Variants in AKAP6 observed in about 807,000 individuals in gnomAD.
The protein encoded by AKAP6 is A-kinase anchor protein 6.
Under a neutral mutation model 188.5 loss-of-function variants are expected in AKAP6, and 58 were observed. The ratio of observed to expected loss-of-function variants is 0.31; its 90% CI spans 0.25 to 0.38. The LOEUF is 0.38. Among genes scored for constraint, AKAP6 ranks in the 10% least tolerant of loss-of-function variants. AKAP6 has a pLI of 1.00. For synonymous variants in AKAP6, 989 were observed against 998.6 expected (o/e 0.99, Z 0.18); for missense variants, 2,710 against 2,740.0 (o/e 0.99, Z 0.24).
chr14:32,791,050 G>T (rs1263054725), intron 12 of AKAP6, among the ~76,000 whole-genome samples: 1 of 152,092 alleles, frequency 6.6e-6, no homozygotes, highest in African/African-American at 2.4e-5. Context: ...CCAAGTCTTT[G>T]CTATTGCGAA....
chr14:32,795,896 G>A (rs1014479678), intron 12 of AKAP6, among the ~76,000 whole-genome samples: 2 of 152,176 alleles, frequency 1.3e-5, no homozygotes, highest in African/African-American at 4.8e-5. Flanking sequence ...CATCATCTCA[G>A]CTCAAAAGCT....
chr14:32,690,575 AG>A (rs1350239039), intron 8 of AKAP6, among the ~76,000 whole-genome samples: 2 of 152,154 alleles, frequency 1.3e-5, no homozygotes, highest in African/African-American at 4.8e-5. Flanking sequence ...ACCTTAAATA[AG>A]GCAAAGTAAA....
rs114891778 is a variant in AKAP6 at position 32,475,593 on chromosome 14, C to T, written c.324+41776C>T. Among the ~76,000 whole-genome samples the T allele has an allele frequency of 7.4e-3, 1,125 of 152,106 alleles. 13 individuals are homozygous for T. Among genetic ancestry groups the T allele is most frequent in the Middle Eastern group, 0.024 (7 of 294 alleles). On this transcript the variant is annotated intron_variant, in intron 2 of 13. Coordinates refer to ENST00000280979, the MANE Select transcript of AKAP6 (RefSeq NM_004274.5). ...GAGCAAAACCAGCTTCTCTTTGCAGCACTGGCATGCAACCAACCTGCTCAC... is the reference window on the plus strand; with the variant it reads ...GAGCAAAACCAGCTTCTCTTTGCAGTACTGGCATGCAACCAACCTGCTCAC...
At chr14:32,360,712 A>AGTGTGT (rs35969035) in intron 1 of AKAP6, among the ~76,000 whole-genome samples, 17,330 of 135,820 alleles carry the variant, frequency 0.13, 1,177 homozygotes, top group East Asian at 0.15. Context: ...TTGGCCATTG[A>AGTGTGT]GTGTGTGTGT....
intron 4 of AKAP6, among the ~76,000 whole-genome samples, chr14:32,556,909 T>TTC (rs894686829): frequency 3.9e-5 from 6 of 151,904 alleles, no homozygotes; most frequent in African/African-American, 7.3e-5. Context: ...GGTCTTTGAG[T>TTC]TCTCTCTCTC....
Position 32,808,299 on chromosome 14 carries a change from A to G in AKAP6, c.3589-13103A>G, listed in dbSNP as rs2300856. 1.3e-3 allele frequency among the ~76,000 whole-genome samples: 194 copies of G among 152,198 alleles called. 3 individuals are homozygous for G. In the East Asian group the frequency reaches 0.034, roughly 27 times the overall value. On this transcript the variant is annotated intron_variant, in intron 12 of 13. Coordinates refer to ENST00000280979, the MANE Select transcript of AKAP6 (RefSeq NM_004274.5). ...AAGAGAGAAGACACATTAGCTGAGC[A>G]CTCTAAGACAACTCCTGTCCATGAG...
chr14:32,639,541 C>G (rs540586417), intron 7 of AKAP6, among the ~76,000 whole-genome samples: 1 of 152,128 alleles, frequency 6.6e-6, no homozygotes, highest in African/African-American at 2.4e-5. Flanking sequence ...TCACACCAAG[C>G]TTTTGTGGAA....
At chr14:32,576,323 C>T (rs545651014) in intron 4 of AKAP6, among the ~76,000 whole-genome samples, 1 of 152,038 alleles carries the variant, frequency 6.6e-6, no homozygotes, top group African/African-American at 2.4e-5. Context: ...GGAGCCCAGC[C>T]CCATTTCTTT....
chr14:32,732,425 T>C, intron 9 of AKAP6, 29 bp from the exon 10 acceptor site: 1 of 1,599,300 alleles, frequency 6.3e-7, no homozygotes, highest in Non-Finnish European at 8.5e-7. Context: ...CTCTCCCTAA[T>C]GATATCTCTT....
intron 1 of AKAP6, among the ~76,000 whole-genome samples, chr14:32,382,436 GATA>G (rs1450553465): frequency 2.6e-5 from 4 of 152,176 alleles, no homozygotes; most frequent in Non-Finnish European, 4.4e-5. Context: ...ATCATTTGAA[GATA>G]ATAATGATTT....
intron 11 of AKAP6, among the ~76,000 whole-genome samples, chr14:32,767,919 T>C (rs560352492): frequency 6.0e-4 from 92 of 152,306 alleles, no homozygotes; most frequent in Non-Finnish European, 1.1e-3. Flanking sequence ...AACCTGATGG[T>C]CTTACAGAAA....
chr14:32,797,463 G>A (rs1278344629), intron 12 of AKAP6, among the ~76,000 whole-genome samples: 1 of 152,134 alleles, frequency 6.6e-6, no homozygotes, highest in Non-Finnish European at 1.5e-5. Flanking sequence ...TCCTTTGCAG[G>A]GATATGGATG....
At position 32,821,932 on chromosome 14, in the gene AKAP6, A is replaced by G. The variant is rs749357834; in HGVS notation, c.4119A>G (p.Glu1373=). Residue 1373 remains glutamate, a synonymous_variant, in exon 13 of 14, where the codon GAA becomes GAG. Coordinates refer to ENST00000280979, the MANE Select transcript of AKAP6 (RefSeq NM_004274.5). ...GAATTGTCAGTGAAGGAGACACAGA[A>G]ACCACTACCAACTCTGAAATGTGCT... ...ESGIVSEGDT[E]TTTNSEMCLL... 6.2e-7 allele frequency: 1 copy of G among 1,613,964 alleles called. No individual in the cohort carries two copies. Among genetic ancestry groups the G allele is most frequent in the Non-Finnish European group, 8.5e-7 (1 of 1,179,930 alleles).
At chr14:32,583,929 C>T (rs923493808) in intron 5 of AKAP6, among the ~76,000 whole-genome samples, 38 of 152,236 alleles carry the variant, frequency 2.5e-4, no homozygotes, top group African/African-American at 7.2e-4. Flanking sequence ...TCACGATTCC[C>T]GAGGGAGGCA....
rs1288893200 is a variant in AKAP6 at position 32,665,160 on chromosome 14, G to C, written c.2731-13151G>C. Among the ~76,000 whole-genome samples the C allele has an allele frequency of 5.9e-5, 9 of 152,152 alleles. No homozygotes were observed. The South Asian group carries it at 1.2e-3, about 21-fold the overall frequency. On this transcript the variant is annotated intron_variant, in intron 7 of 13. Transcript: ENST00000280979. ...ATACACCAAGCAGTGGACACCAACT[G>C]AGAGGCCTCTAATTCAGTTCCAACA...
chr14:32,376,233 A>C (rs906602795), intron 1 of AKAP6, among the ~76,000 whole-genome samples: 3 of 152,188 alleles, frequency 2.0e-5, no homozygotes, highest in Admixed American at 2.0e-4. Flanking sequence ...GGCACCCCCC[A>C]CTCCCTTAGA....
In AKAP6 at chr14:32,823,952, C is replaced by T; in HGVS notation, c.6139C>T (p.His2047Tyr). ...TTGCAACTGTGAGCCAGATGTTTTC[C>T]ATCAAAAAGATGCCGAAGATTGTTC... ...SCCNCEPDVFHQKDAEDCSVH... is the reference protein window; with the variant it reads ...SCCNCEPDVFYQKDAEDCSVH... The change falls in exon 13 of 14, where the codon CAT becomes TAT. Residue 2047 changes from histidine to tyrosine, a missense_variant. His to Tyr is a moderately conservative substitution (Grantham distance 83). This residue lies in a region of AKAP6 where 2,473 missense variants were observed against 2,426.1 expected (regional missense o/e 1.02). Transcript: ENST00000280979. 2 of 1,613,910 alleles carry T rather than the reference C, an allele frequency of 1.2e-6. No homozygotes were observed. Among genetic ancestry groups the T allele is most frequent in the Non-Finnish European group, 1.7e-6 (2 of 1,179,922 alleles).
intron 9 of AKAP6, among the ~76,000 whole-genome samples, chr14:32,697,735 T>C (rs1392468279): frequency 6.6e-6 from 1 of 152,168 alleles, no homozygotes; most frequent in Non-Finnish European, 1.5e-5. Context: ...GTGCTATTCT[T>C]TGTCAAAATC....
chr14:32,373,762 T>C (rs1222232305), intron 1 of AKAP6, among the ~76,000 whole-genome samples: 2 of 152,172 alleles, frequency 1.3e-5, no homozygotes, highest in Non-Finnish European at 2.9e-5. Flanking sequence ...TTAGATCTCT[T>C]TCACTGTCTG....
Sources: allele counts gnomAD v4.1 joint callset (sites outside exome capture counted in the v4.1 genomes callset), GRCh38; gene constraint gnomAD v4.1.1; regional missense constraint gnomAD v4.1.1; transcripts MANE v1.5; gene names NCBI Gene and HGNC (gene_info 2026-07-23, HGNC 2026-07-21).